Variants in TUT7 observed in about 807,000 individuals in gnomAD.
The protein encoded by TUT7 is terminal uridylyltransferase 7.
In TUT7, 33 loss-of-function variants were observed where a neutral mutation model predicts 165.9. The ratio of observed to expected loss-of-function variants is 0.20; its 90% CI spans 0.15 to 0.27. The LOEUF (loss-of-function observed/expected upper bound fraction) is 0.27, where lower values mean the gene tolerates loss of function less well. Ranked by LOEUF, TUT7 falls within the 10% of genes least tolerant of loss-of-function variation. The pLI is 1.00. For missense variants in TUT7, 1,338 were observed against 1,762.3 expected, an observed-to-expected ratio of 0.76 and a Z score of 4.31; for synonymous variants, 552 against 608.1, an observed-to-expected ratio of 0.91 and a Z score of 1.36.
At chr9:86,341,584 T>C (rs1392620007) in intron 6 of TUT7, among the ~76,000 whole-genome samples, 1 of 152,226 alleles carries the variant, frequency 6.6e-6, no homozygotes, top group Non-Finnish European at 1.5e-5. Context: ...CCAGCCTACC[T>C]AGCCATCCTA....
intron 22 of TUT7, among the ~76,000 whole-genome samples, chr9:86,306,814 C>G (rs1180851960): frequency 2.6e-5 from 4 of 152,214 alleles, no homozygotes; most frequent in African/African-American, 9.6e-5. Flanking sequence ...AAAACAAAAA[C>G]AAACGACTAC....
At chr9:86,344,668 A>G (rs1831601203) in intron 5 of TUT7, among the ~76,000 whole-genome samples, 1 of 151,312 alleles carries the variant, frequency 6.6e-6, no homozygotes, top group East Asian at 1.9e-4. Flanking sequence ...ATATGGTGTC[A>G]ATTTAGATGA....
At chr9:86,331,963 G>C (rs1421473495) in intron 10 of TUT7, among the ~76,000 whole-genome samples, 1 of 152,080 alleles carries the variant, frequency 6.6e-6, no homozygotes, top group African/African-American at 2.4e-5. Flanking sequence ...ATGCTTTTCT[G>C]AAGAAGACAT....
In TUT7 at chr9:86,352,877, C is replaced by G; in HGVS notation, c.323G>C (p.Gly108Ala). The change falls in exon 2 of 27, where the codon GGT becomes GCT. Residue 108 changes from glycine to alanine, a missense_variant. Transcript: ENST00000375963. ...GAATTCTCTCCAGTTGTCTGAATTA[C>G]CAGTATGTTCATCAGACAGCCATCT... ...SKRWLSDEHT[G>A]NSDNWREFKP... 1.9e-6 allele frequency: 3 copies of G among 1,614,178 alleles called. No individual in the cohort carries two copies. Among genetic ancestry groups the G allele is most frequent in the Non-Finnish European group, 1.7e-6 (2 of 1,180,024 alleles).
At chr9:86,313,418 A>C (rs1472915471) in intron 17 of TUT7, among the ~76,000 whole-genome samples, 1 of 152,186 alleles carries the variant, frequency 6.6e-6, no homozygotes, top group East Asian at 1.9e-4. Context: ...GTAAGAGAGG[A>C]TCAGGGCTTT....
intron 26 of TUT7, among the ~76,000 whole-genome samples, chr9:86,296,355 T>C (rs879350353): frequency 6.6e-6 from 1 of 152,250 alleles, no homozygotes; most frequent in African/African-American, 2.4e-5. Flanking sequence ...ACCATTCTCC[T>C]GCTTTGTCTT....
At chr9:86,312,177 G>T (rs907036015) in intron 17 of TUT7, among the ~76,000 whole-genome samples, 1 of 150,978 alleles carries the variant, frequency 6.6e-6, no homozygotes, top group African/African-American at 2.4e-5. Context: ...GAAGTGAGGA[G>T]CGCCTCTTCC....
rs746598524 is a variant in TUT7 at position 86,301,342 on chromosome 9, G to A, written c.4354C>T (p.Arg1452Cys). ...CCTTCTCTTCCACAAATAAAACAACGTTTTTCTCTTAAGTCTTTGTCATCC... is the reference window on the plus strand; with the variant it reads ...CCTTCTCTTCCACAAATAAAACAACATTTTTCTCTTAAGTCTTTGTCATCC... Reference protein sequence around the residue: ...RQDDKDLREKRCFICGREGHI... With the variant: ...RQDDKDLREKCCFICGREGHI... Residue 1452 changes from arginine (R) to cysteine (C), a missense_variant, in exon 26 of 27, where the codon CGT (arginine) becomes TGT (cysteine). By Grantham distance (180) the Arg-to-Cys change is radical (BLOSUM62 -3). This residue lies in a region of TUT7 where 167 missense variants were observed against 204.9 expected (regional missense o/e 0.82). Transcript: ENST00000375963. 5.0e-6 allele frequency: 8 copies of A among 1,614,070 alleles called. No homozygotes were observed. Among genetic ancestry groups the A allele is most frequent in the African/African-American group, 4.0e-5 (3 of 75,010 alleles).
chr9:86,323,418 T>C lies in TUT7; in HGVS notation c.2332A>G (p.Thr778Ala). ...GTGCTCTCTGACTCATTATTACGTGTGCTGCCACAGACAACATGCTCTCCA... is the reference window on the plus strand; with the variant it reads ...GTGCTCTCTGACTCATTATTACGTGCGCTGCCACAGACAACATGCTCTCCA... ...KRGEHVVCGS[T>A]RNNESESTLD... Residue 778 changes from threonine to alanine, a missense_variant, in exon 13 of 27, where the codon ACA becomes GCA. By Grantham distance (58) the Thr-to-Ala change is moderately conservative. Transcript: ENST00000375963. The C allele has an allele frequency of 6.2e-7, 1 of 1,614,222 alleles. No individual in the cohort carries two copies.
chr9:86,332,773 T>C (rs934943512), intron 10 of TUT7, among the ~76,000 whole-genome samples: 6 of 152,192 alleles, frequency 3.9e-5, no homozygotes, highest in Non-Finnish European at 8.8e-5. Flanking sequence ...TTTAAGTTGA[T>C]TACTGATATC....
At chr9:86,329,687 A>T (rs556649235) in intron 10 of TUT7, among the ~76,000 whole-genome samples, 6 of 151,838 alleles carry the variant, frequency 4.0e-5, no homozygotes, top group Non-Finnish European at 7.4e-5. Context: ...CAGAAGACAC[A>T]CTCTCCTGTT....
intron 2 of TUT7, among the ~76,000 whole-genome samples, chr9:86,347,854 T>C (rs894289811): frequency 2.0e-5 from 3 of 152,060 alleles, no homozygotes; most frequent in Non-Finnish European, 2.9e-5. Flanking sequence ...CATAATCTTT[T>C]AAGGCCAGTA....
chr9:86,348,712 A>G (rs1831999191), intron 2 of TUT7, among the ~76,000 whole-genome samples: 1 of 152,160 alleles, frequency 6.6e-6, no homozygotes, highest in African/African-American at 2.4e-5. Flanking sequence ...TGATTGCGCC[A>G]TTGCACTCCA....
chr9:86,326,774 T>A (rs1472174529), intron 11 of TUT7, among the ~76,000 whole-genome samples: 1 of 152,120 alleles, frequency 6.6e-6, no homozygotes, highest in Non-Finnish European at 1.5e-5. Context: ...TGTCTCAATG[T>A]CTCCTGATCT....
intron 2 of TUT7, among the ~76,000 whole-genome samples, chr9:86,349,005 G>A (rs1165146220): frequency 6.6e-6 from 1 of 152,086 alleles, no homozygotes; most frequent in African/African-American, 2.4e-5. Flanking sequence ...TTGGCCAGGC[G>A]TGGCAGCTCA....
In TUT7 at chr9:86,288,428, C is replaced by T. The variant is rs866220008; in HGVS notation, c.*249G>A. 1.1e-5 allele frequency: 3 copies of T among 277,406 alleles called. No individual in the cohort carries two copies. Among genetic ancestry groups the T allele is most frequent in the Admixed American group, 4.9e-5 (1 of 20,498 alleles). 17.2% of individuals were successfully genotyped at this position (277,406 alleles called of 1,614,324 possible). On this transcript the variant is annotated 3_prime_UTR_variant, in exon 27 of 27. Coordinates refer to ENST00000375963, the MANE Select transcript of TUT7 (RefSeq NM_024617.4). ...TCCATAGTTATATTTTTTCTTTTAA[C>T]GTGGCTTAAATACATACATCATGTC... is the stretch of plus-strand genomic sequence containing the variant.
chr9:86,326,257 T>G (rs899253803), intron 11 of TUT7: 1 of 152,668 alleles, frequency 6.6e-6, no homozygotes, highest in Non-Finnish European at 1.5e-5. Context: ...GGGACAAGCT[T>G]AGATCTGAAA....
chr9:86,296,848 T>C (rs945984488), intron 26 of TUT7, among the ~76,000 whole-genome samples: 10 of 152,312 alleles, frequency 6.6e-5, no homozygotes, highest in African/African-American at 2.4e-4. Flanking sequence ...ACAGTTCACA[T>C]TTATAACAAC....
chr9:86,301,477 C>A lies in TUT7; in HGVS notation c.4219G>T (p.Glu1407Ter). ...GGTGTGCACTGTATGGGCTTATCTT[C>A]TTTTGTTGACACCTCCCTTTCTGTG... ...KYTEREVSTKEDKPIQCTPQK... is the reference protein window; with the variant it reads ...KYTEREVSTK Residue 1407 changes from glutamate (E) to a stop codon, truncating the protein, a stop_gained, in exon 26 of 27, where the codon GAA (glutamate) becomes TAA (stop). Transcript: ENST00000375963. LOFTEE classifies it high-confidence loss of function. The A allele has an allele frequency of 6.2e-7, 1 of 1,614,122 alleles. No individual in the cohort carries two copies. Among genetic ancestry groups the A allele is most frequent in the Non-Finnish European group, 8.5e-7 (1 of 1,180,020 alleles).
Sources: allele counts gnomAD v4.1 joint callset (sites outside exome capture counted in the v4.1 genomes callset), GRCh38; gene constraint gnomAD v4.1.1; regional missense constraint gnomAD v4.1.1; transcripts MANE v1.5; gene names NCBI Gene and HGNC (gene_info 2026-07-23, HGNC 2026-07-21).